The following CCDC169 variants were observed in gnomAD, a reference collection of about 807,000 sequenced individuals.
The protein encoded by CCDC169 is coiled-coil domain-containing protein 169.
Under a neutral mutation model 36.0 loss-of-function variants are expected in CCDC169, and 30 were observed. The observed-to-expected ratio is 0.83, with a 90% confidence interval of 0.62 to 1.13. The LOEUF is 1.13. Among genes scored for constraint, CCDC169 ranks in the 50% most tolerant of loss-of-function variants. The pLI, the probability that CCDC169 is intolerant of heterozygous loss-of-function variation, is 0.00. For synonymous variants in CCDC169, 85 were observed against 81.5 expected, an observed-to-expected ratio of 1.04 and a Z score of -0.23; for missense variants, 245 against 245.9, an observed-to-expected ratio of 1.00 and a Z score of 0.03.
chr13:36,297,720 A>C lies in CCDC169; in HGVS notation c.-1T>G. On this transcript the variant is annotated 5_prime_UTR_variant, in exon 1 of 8. Coordinates refer to ENST00000239859, the MANE Select transcript of CCDC169 (RefSeq NM_001144981.3). ...AGTTGTAGTTTCTCTCTTCCTTCAT[A>C]GTGTCAGGCCAGAGACCTCCCGCGT... 6.4e-7 allele frequency: 1 copy of C among 1,551,052 alleles called. No homozygotes were observed. The highest frequency in any genetic ancestry group is 8.7e-7 in the Non-Finnish European group (1 of 1,146,960).
chr13:36,283,248 ACATG>A, intron 4 of CCDC169: 1 of 576,244 alleles, frequency 1.7e-6, no homozygotes, highest in Non-Finnish European at 3.1e-6. Flanking sequence ...CAATATCTAT[ACATG>A]CTCTGCTCTT....
downstream of CCDC169, among the ~76,000 whole-genome samples, chr13:36,229,051 T>C (rs1870142301): frequency 6.6e-6 from 1 of 152,206 alleles, no homozygotes; most frequent in Non-Finnish European, 1.5e-5. Context: ...CTTGTAGGTA[T>C]TTTTTGATAC....
intron 4 of CCDC169, among the ~76,000 whole-genome samples, chr13:36,268,386 T>G (rs1007440313): frequency 6.6e-6 from 1 of 152,090 alleles, no homozygotes; most frequent in Non-Finnish European, 1.5e-5. Flanking sequence ...GGGTTAACAA[T>G]GAAATAAAGA....
intron 4 of CCDC169, among the ~76,000 whole-genome samples, chr13:36,277,939 C>T (rs1877039411): frequency 1.5e-5 from 2 of 135,094 alleles, no homozygotes; most frequent in Admixed American, 7.6e-5. Context: ...AGCAAGACTC[C>T]GTCTCAAAAA....
chr13:36,288,310 G>A (rs977647132), intron 2 of CCDC169, among the ~76,000 whole-genome samples: 2 of 152,094 alleles, frequency 1.3e-5, no homozygotes, highest in Non-Finnish European at 2.9e-5. Context: ...CACCGTGCCC[G>A]ACCCGGAAAT....
At chr13:36,261,348 A>C (rs2138515536) in intron 4 of CCDC169, among the ~76,000 whole-genome samples, 1 of 152,236 alleles carries the variant, frequency 6.6e-6, no homozygotes, top group African/African-American at 2.4e-5. Context: ...AGCCCCTGTT[A>C]CTGTGCCATC....
chr13:36,281,106 C>T (rs889418101), intron 4 of CCDC169: 14 of 349,426 alleles, frequency 4.0e-5, no homozygotes, highest in South Asian at 1.1e-4. Context: ...TGAATGATAA[C>T]GTGAAGCAGC....
chr13:36,259,025 C>A (rs1874277293), intron 4 of CCDC169, among the ~76,000 whole-genome samples: 1 of 152,158 alleles, frequency 6.6e-6, no homozygotes, highest in South Asian at 2.1e-4. Context: ...CTGCTCCCTG[C>A]AGGCACATCT....
At position 36,270,151 on chromosome 13, in the gene CCDC169, C is replaced by G. The variant is rs534588361; in HGVS notation, c.315+13318G>C. 1.5e-4 allele frequency among the ~76,000 whole-genome samples: 23 copies of G among 152,206 alleles called. 1 individual carries two copies. In the Middle Eastern group the frequency reaches 0.01, roughly 68 times the overall value. ...AAAATGACCAAGCTGAGAATCAAAT[C>G]AAGAACTCAATCTCTTTTACAATAG... On this transcript the variant is annotated intron_variant, in intron 4 of 7. Transcript: ENST00000239859.
intron 4 of CCDC169, among the ~76,000 whole-genome samples, chr13:36,262,110 C>G (rs1566074959): frequency 6.6e-6 from 1 of 152,146 alleles, no homozygotes; most frequent in South Asian, 2.1e-4. Flanking sequence ...CCCAGAAATG[C>G]TTGGCCCCAC....
chr13:36,238,330 G>A (rs1035745971), intron 7 of CCDC169, among the ~76,000 whole-genome samples: 4 of 152,096 alleles, frequency 2.6e-5, no homozygotes, highest in African/African-American at 9.7e-5. Context: ...GCAGTGGCAC[G>A]AACATAGCTC....
At chr13:36,291,086 T>A (rs181047075) in intron 2 of CCDC169, among the ~76,000 whole-genome samples, 96 of 152,232 alleles carry the variant, frequency 6.3e-4, no homozygotes, top group Non-Finnish European at 9.6e-4. Flanking sequence ...CAGGCCATTA[T>A]GAGAAGTGGA....
intron 4 of CCDC169, chr13:36,282,296 C>A (rs561762270): frequency 2.2e-6 from 2 of 891,612 alleles, no homozygotes; most frequent in African/African-American, 1.8e-5. Context: ...CTGCATTACA[C>A]AATTATATGT....
At chr13:36,254,274 ACTTT>A in intron 4 of CCDC169, 131 bp from the exon 5 acceptor site, 3 of 415,680 alleles carry the variant, frequency 7.2e-6, no homozygotes, top group Admixed American at 4.7e-5. Flanking sequence ...TATGATATGT[ACTTT>A]TTTTTTTTTT....
At chr13:36,284,146 A>G (rs2138615241) in intron 2 of CCDC169, among the ~76,000 whole-genome samples, 1 of 151,708 alleles carries the variant, frequency 6.6e-6, no homozygotes, top group East Asian at 1.9e-4. Context: ...GAAACTTGAA[A>G]TACATATTTA....
intron 4 of CCDC169, among the ~76,000 whole-genome samples, chr13:36,256,642 T>C (rs1873918605): frequency 6.6e-6 from 1 of 152,182 alleles, no homozygotes; most frequent in Non-Finnish European, 1.5e-5. Context: ...TCATTTCATT[T>C]AGAACCCCTC....
chr13:36,292,195 T>C (rs1380118850), intron 2 of CCDC169, among the ~76,000 whole-genome samples: 1 of 152,142 alleles, frequency 6.6e-6, no homozygotes, highest in African/African-American at 2.4e-5. Flanking sequence ...AGTTTCACCA[T>C]GTTGGCCAGG....
chr13:36,264,354 C>T (rs1015062030), intron 4 of CCDC169, among the ~76,000 whole-genome samples: 1 of 151,956 alleles, frequency 6.6e-6, no homozygotes, highest in African/African-American at 2.4e-5. Flanking sequence ...GAGCTATATA[C>T]TGGTCACAGG....
downstream of CCDC169, among the ~76,000 whole-genome samples, chr13:36,228,376 T>G (rs1434153781): frequency 6.6e-6 from 1 of 152,164 alleles, no homozygotes; most frequent in East Asian, 1.9e-4. Flanking sequence ...TGGTATGTCT[T>G]GATATTTTGT....
Sources: gnomAD v4.1 joint callset for allele counts (sites outside exome capture counted in the v4.1 genomes callset) on GRCh38, gnomAD v4.1.1 for gene constraint, MANE v1.5 for transcripts, NCBI Gene and HGNC (gene_info 2026-07-23, HGNC 2026-07-21) for gene names.